The following RSPO4 variants were observed in gnomAD, a reference collection of about 807,000 sequenced individuals.
RSPO4 encodes R-spondin-4.
RSPO4 carries 23 observed loss-of-function variants against 24.8 expected under a neutral mutation model. The observed-to-expected ratio is 0.93, with a 90% CI of 0.67 to 1.31. The LOEUF (loss-of-function observed/expected upper bound fraction) is 1.31. Ranked by LOEUF, RSPO4 falls within the 40% of genes most tolerant of loss-of-function variation. RSPO4 has a pLI of 0.00. For synonymous variants in RSPO4, 141 were observed against 127.4 expected (o/e 1.11, Z -0.72); for missense variants, 333 against 316.5 (o/e 1.05, Z -0.39).
intron 1 of RSPO4, among the ~76,000 whole-genome samples, chr20:979,078 C>T (rs1465035999): frequency 6.6e-6 from 1 of 152,104 alleles, no homozygotes; most frequent in African/African-American, 2.4e-5. Flanking sequence ...CTTCTCTCTC[C>T]CTCATATCCT....
chr20:995,974 C>T (rs1391097176), intron 1 of RSPO4, among the ~76,000 whole-genome samples: 1 of 152,218 alleles, frequency 6.6e-6, no homozygotes, highest in Non-Finnish European at 1.5e-5. Flanking sequence ...TAAACTGAAA[C>T]ACATTTCTCA....
intron 3 of RSPO4, among the ~76,000 whole-genome samples, chr20:965,522 A>C (rs1984165374): frequency 6.6e-6 from 1 of 152,264 alleles, no homozygotes; most frequent in African/African-American, 2.4e-5. Context: ...GCAGACTATC[A>C]TTGTGAAATA....
intron 1 of RSPO4, 101 bp downstream of exon 1, chr20:1,001,985 G>C: frequency 1.0e-6 from 1 of 967,548 alleles, no homozygotes; most frequent in South Asian, 1.4e-5. Context: ...CAGGGCGCCA[G>C]GCACCAGGCA....
chr20:993,357 G>A (rs897746642), intron 1 of RSPO4, among the ~76,000 whole-genome samples: 1 of 152,256 alleles, frequency 6.6e-6, no homozygotes, highest in Non-Finnish European at 1.5e-5. Context: ...TCCGGAGATG[G>A]GAAGCAGACC....
chr20:974,627 G>A (rs1290432605), intron 1 of RSPO4, among the ~76,000 whole-genome samples: 2 of 152,182 alleles, frequency 1.3e-5, no homozygotes, highest in African/African-American at 4.8e-5. Context: ...CCCCACAAGA[G>A]CTAGTCTTGG....
At chr20:992,600 T>C (rs1310048877) in intron 1 of RSPO4, among the ~76,000 whole-genome samples, 2 of 152,074 alleles carry the variant, frequency 1.3e-5, no homozygotes, top group Non-Finnish European at 2.9e-5. Context: ...GGGCGTCACA[T>C]GCATAGTCAT....
chr20:976,092 T>C (rs1984553103), intron 1 of RSPO4, among the ~76,000 whole-genome samples: 1 of 152,192 alleles, frequency 6.6e-6, no homozygotes, highest in Admixed American at 6.5e-5. Context: ...GGGCCTCAGT[T>C]TCCCCATCTG....
intron 3 of RSPO4, among the ~76,000 whole-genome samples, chr20:964,743 CATATATATACACATATATAT>C (rs1984129120): frequency 6.8e-6 from 1 of 147,146 alleles, no homozygotes; most frequent in African/African-American, 2.6e-5. Context: ...CACACACACA[CATATATATACACATATATAT>C]ACACACACAC....
chr20:975,293 G>A lies in RSPO4; in HGVS notation c.80-7155C>T, dbSNP rs116377622. Reference sequence around the variant, plus strand: ...CCTTCTACACATCTTGGCCTCTGTCGCTGTCCTCTCCCAGCTGAGATGCAC... The same window carrying A: ...CCTTCTACACATCTTGGCCTCTGTCACTGTCCTCTCCCAGCTGAGATGCAC... On this transcript the variant is annotated intron_variant, in intron 1 of 4. Transcript: ENST00000217260. Among the ~76,000 whole-genome samples, 1,092 of 152,192 alleles carry A rather than the reference G, an allele frequency of 7.2e-3. 10 individuals are homozygous for A. Among genetic ancestry groups the A allele is most frequent in the African/African-American group, 0.024 (997 of 41,510 alleles).
At chr20:1,001,648 G>A (rs1333016752) in intron 1 of RSPO4, among the ~76,000 whole-genome samples, 2 of 152,154 alleles carry the variant, frequency 1.3e-5, no homozygotes, top group African/African-American at 4.8e-5. Context: ...GAGTGATGAG[G>A]CTGGGACTGG....
At chr20:984,968 TATCCATCCACTCACCCACC>T (rs1984863076) in intron 1 of RSPO4, among the ~76,000 whole-genome samples, 2 of 98,862 alleles carry the variant, frequency 2.0e-5, no homozygotes, top group Admixed American at 1.1e-4. Flanking sequence ...CCCACCCATC[TATCCATCCACTCACCCACC>T]CATCTATCCA....
intron 1 of RSPO4, among the ~76,000 whole-genome samples, chr20:991,413 G>A (rs1015317853): frequency 1.3e-5 from 2 of 152,118 alleles, no homozygotes; most frequent in African/African-American, 4.8e-5. Flanking sequence ...ACTCTACAAA[G>A]TCAGATTAAA....
chr20:990,238 C>T (rs934789627), intron 1 of RSPO4, among the ~76,000 whole-genome samples: 2 of 152,166 alleles, frequency 1.3e-5, no homozygotes, highest in Non-Finnish European at 2.9e-5. Context: ...GGTCCCGAGG[C>T]ACACCAGGGA....
At chr20:987,313 C>T (rs1984953152) in intron 1 of RSPO4, among the ~76,000 whole-genome samples, 1 of 152,288 alleles carries the variant, frequency 6.6e-6, no homozygotes, top group Admixed American at 6.5e-5. Flanking sequence ...CCAAATGACA[C>T]ATCTCTTATG....
intron 3 of RSPO4, among the ~76,000 whole-genome samples, chr20:966,801 G>A (rs1010854200): frequency 6.6e-6 from 1 of 152,194 alleles, no homozygotes; most frequent in African/African-American, 2.4e-5. Context: ...GCTGCAGTGA[G>A]CTATGATCAT....
At chr20:998,416 C>T (rs1332772654) in intron 1 of RSPO4, among the ~76,000 whole-genome samples, 3 of 152,236 alleles carry the variant, frequency 2.0e-5, no homozygotes, top group African/African-American at 7.2e-5. Flanking sequence ...CTTCATTAAT[C>T]AACATGCTGT....
chr20:968,974 AC>A (rs1169242789), intron 1 of RSPO4, among the ~76,000 whole-genome samples: 2 of 152,160 alleles, frequency 1.3e-5, no homozygotes, highest in Admixed American at 1.3e-4. Context: ...TCACCCCAGG[AC>A]CCTGATTAAG....
intron 1 of RSPO4, among the ~76,000 whole-genome samples, chr20:992,263 C>CTTTTTTT (rs35286852): frequency 4.0e-5 from 5 of 123,502 alleles, no homozygotes; most frequent in African/African-American, 1.3e-4. Context: ...GGTCCACTTT[C>CTTTTTTT]TTTTTTTTTT....
chr20:960,577 G>T, intron 4 of RSPO4, 111 bp from the exon 5 acceptor site: 1 of 788,972 alleles, frequency 1.3e-6, no homozygotes, highest in Non-Finnish European at 2.2e-6. Flanking sequence ...CAACAACGGG[G>T]CTCAGAACAT....
Sources: gnomAD v4.1 joint callset for allele counts (sites outside exome capture counted in the v4.1 genomes callset) on GRCh38, gnomAD v4.1.1 for gene constraint, MANE v1.5 for transcripts, NCBI Gene and HGNC (gene_info 2026-07-23, HGNC 2026-07-21) for gene names.